Variants in MBNL1 observed in about 807,000 individuals in gnomAD.
MBNL1 encodes the protein muscleblind like splicing regulator 1.
A neutral mutation model predicts 42.2 loss-of-function variants in MBNL1; 8 were observed. The observed-to-expected ratio is 0.19, with a 90% confidence interval of 0.11 to 0.34. MBNL1 has a LOEUF of 0.34. Among genes scored for constraint, MBNL1 ranks in the 10% least tolerant of loss-of-function variants. The probability of loss-of-function intolerance (pLI) is 1.00; values close to 1 mark genes in which losing one functional copy is unlikely to be tolerated. For synonymous variants in MBNL1, 169 were observed against 173.9 expected (o/e 0.97, Z 0.22); for missense variants, 309 against 495.3 (o/e 0.62, Z 3.57).
chr3:152,302,014 G>T, intron 2 of MBNL1: 1 of 152,094 alleles, frequency 6.6e-6, no homozygotes, highest in East Asian at 1.9e-4. Flanking sequence ...TACAACATTT[G>T]GAAACATTGT....
chr3:152,382,520 T>TA (rs1318553735), intron 2 of MBNL1, among the ~76,000 whole-genome samples: 1 of 152,076 alleles, frequency 6.6e-6, no homozygotes, highest in Non-Finnish European at 1.5e-5. Flanking sequence ...AAATGAAACT[T>TA]AAAAAATCAG....
intron 2 of MBNL1, among the ~76,000 whole-genome samples, chr3:152,355,588 T>C (rs1395532362): frequency 6.6e-6 from 1 of 152,206 alleles, no homozygotes; most frequent in Non-Finnish European, 1.5e-5. Context: ...GAATTAACCA[T>C]TTTTTCGTAT....
At chr3:152,287,569 G>A (rs192464014) in intron 1 of MBNL1, among the ~76,000 whole-genome samples, 9 of 152,264 alleles carry the variant, frequency 5.9e-5, no homozygotes, top group Non-Finnish European at 5.9e-5. Flanking sequence ...TCTATCCTCA[G>A]TAGGTCTAGG....
chr3:152,299,580 T>C lies in MBNL1; in HGVS notation c.-614T>C. On this transcript the variant is annotated 5_prime_UTR_variant, in exon 2 of 10. Transcript: ENST00000324210. ...ATAATCAAGAGAAAAGCTCTAAGTATCTGGCATTGCCCTAGGCTGCTTTAG... is the reference window on the plus strand; with the variant it reads ...ATAATCAAGAGAAAAGCTCTAAGTACCTGGCATTGCCCTAGGCTGCTTTAG... 1 of 397,260 alleles carries C rather than the reference T, an allele frequency of 2.5e-6. No homozygotes were observed. The highest frequency in any genetic ancestry group is 4.4e-5 in the Admixed American group (1 of 22,684). The allele number at this position is 397,260 out of a possible 1,614,324, so 24.6% of individuals were successfully genotyped here. A position where few individuals can be genotyped will look rare whatever the true frequency, so the allele number is the denominator to read the frequency against.
chr3:152,285,929 C>CTT (rs113377399), intron 1 of MBNL1, among the ~76,000 whole-genome samples: 1 of 145,102 alleles, frequency 6.9e-6, no homozygotes. Context: ...CATCCTGAAA[C>CTT]TTTTTTTTTT....
At position 152,405,320 on chromosome 3, in the gene MBNL1, G is replaced by A. The variant is rs573041311; in HGVS notation, c.175-9621G>A. Among the ~76,000 whole-genome samples, 5 of 152,070 alleles carry A rather than the reference G, an allele frequency of 3.3e-5. No individual in the cohort carries two copies. In the South Asian group the frequency reaches 8.3e-4, roughly 25 times the overall value. On this transcript the variant is annotated intron_variant, in intron 2 of 9. Coordinates refer to ENST00000324210, the MANE Select transcript of MBNL1 (RefSeq NM_021038.5). Reference sequence around the variant, plus strand: ...CCTGGGTTCAGTCACTTGTTTTGTCGTACTTAAGTATTCAGAAAAACTGAA... The same window carrying A: ...CCTGGGTTCAGTCACTTGTTTTGTCATACTTAAGTATTCAGAAAAACTGAA...
chr3:152,401,023 T>G (rs1471161789), intron 2 of MBNL1, among the ~76,000 whole-genome samples: 1 of 152,112 alleles, frequency 6.6e-6, no homozygotes, highest in Admixed American at 6.5e-5. Context: ...CAAAACTATC[T>G]AAATAAGAAT....
At chr3:152,334,127 A>G (rs368058922) in intron 2 of MBNL1, among the ~76,000 whole-genome samples, 2 of 152,208 alleles carry the variant, frequency 1.3e-5, no homozygotes, top group East Asian at 3.8e-4. Flanking sequence ...TGAAGTGAAC[A>G]CTGTGATGCA....
chr3:152,383,738 A>G (rs1041199666), intron 2 of MBNL1, among the ~76,000 whole-genome samples: 1 of 152,108 alleles, frequency 6.6e-6, no homozygotes, highest in Non-Finnish European at 1.5e-5. Flanking sequence ...GATACATTTC[A>G]GGATCCTTTT....
chr3:152,361,173 A>C (rs17369888), intron 2 of MBNL1, among the ~76,000 whole-genome samples: 1 of 151,816 alleles, frequency 6.6e-6, no homozygotes, highest in Admixed American at 6.6e-5. Context: ...CCAGTTGTCT[A>C]CTCTGTGCTG....
chr3:152,273,261 T>TA (rs2042968657), intron 1 of MBNL1, among the ~76,000 whole-genome samples: 1 of 152,238 alleles, frequency 6.6e-6, no homozygotes, highest in Admixed American at 6.5e-5. Context: ...TCTCTAGACA[T>TA]ATTTTTTATT....
chr3:152,406,983 T>C (rs1477728222), intron 2 of MBNL1, among the ~76,000 whole-genome samples: 1 of 152,038 alleles, frequency 6.6e-6, no homozygotes, highest in Non-Finnish European at 1.5e-5. Context: ...CAATAGGCTG[T>C]GTGTGTATTT....
chr3:152,244,656 T>C (rs2032459819), intron 2 of MBNL1, among the ~76,000 whole-genome samples: 1 of 152,216 alleles, frequency 6.6e-6, no homozygotes, highest in Admixed American at 6.5e-5. Context: ...AAAGTTTTCA[T>C]TGATCTCCAA....
chr3:152,411,475 G>T (rs937160627), intron 2 of MBNL1, among the ~76,000 whole-genome samples: 2 of 152,120 alleles, frequency 1.3e-5, no homozygotes, highest in African/African-American at 4.8e-5. Flanking sequence ...AGCCCAGATC[G>T]CGCCACTGCA....
intron 2 of MBNL1, among the ~76,000 whole-genome samples, chr3:152,359,006 T>A (rs1221469848): frequency 6.6e-6 from 1 of 152,182 alleles, no homozygotes; most frequent in African/African-American, 2.4e-5. Context: ...GGGGAAACAG[T>A]TTGACTCATT....
Position 152,461,117 on chromosome 3 carries a change from G to T in MBNL1, c.*19-1268G>T, listed in dbSNP as rs1465916737. 2.0e-5 allele frequency among the ~76,000 whole-genome samples: 3 copies of T among 152,108 alleles called. No individual in the cohort carries two copies. In the South Asian group the frequency reaches 6.2e-4, roughly 31 times the overall value. Reference sequence around the variant, plus strand: ...GTGTGCCAAGTCAGGAAACGATGATGGCTGAGAACCAACTCAGAAACCCTT... The same window carrying T: ...GTGTGCCAAGTCAGGAAACGATGATTGCTGAGAACCAACTCAGAAACCCTT... On this transcript the variant is annotated intron_variant, in intron 9 of 9. Transcript: ENST00000324210.
intron 2 of MBNL1, among the ~76,000 whole-genome samples, chr3:152,306,333 T>C (rs2063109389): frequency 6.6e-6 from 1 of 152,240 alleles, no homozygotes; most frequent in African/African-American, 2.4e-5. Flanking sequence ...ATTTGGCGAC[T>C]CTATAGTCAT....
At chr3:152,336,490 T>A (rs1163919009) in intron 2 of MBNL1, among the ~76,000 whole-genome samples, 1 of 152,208 alleles carries the variant, frequency 6.6e-6, no homozygotes, top group Non-Finnish European at 1.5e-5. Flanking sequence ...AAAATTAAGT[T>A]TAGTTTAAGT....
chr3:152,345,615 C>G (rs1417564077), intron 2 of MBNL1, among the ~76,000 whole-genome samples: 1 of 152,094 alleles, frequency 6.6e-6, no homozygotes, highest in South Asian at 2.1e-4. Flanking sequence ...GCTGTATAAA[C>G]TGCTCTGTGT....
Sources: allele counts gnomAD v4.1 joint callset (sites outside exome capture counted in the v4.1 genomes callset), GRCh38; gene constraint gnomAD v4.1.1; transcripts MANE v1.5; gene names NCBI Gene and HGNC (gene_info 2026-07-23, HGNC 2026-07-21).